NSUN6: variants seen among roughly 807,000 people sequenced by gnomAD.
NSUN6 encodes tRNA (cytosine(72)-C(5))-methyltransferase NSUN6.
A neutral mutation model predicts 58.0 loss-of-function variants in NSUN6; 64 were observed. That is an observed-to-expected ratio of 1.10 (90% CI 0.90 to 1.36). The LOEUF is 1.36. Among genes scored for constraint, NSUN6 ranks in the 40% most tolerant of loss-of-function variants. NSUN6 has a pLI of 0.00. For synonymous variants in NSUN6, 231 were observed against 193.9 expected (o/e 1.19, Z -1.59); for missense variants, 701 against 550.1 (o/e 1.27, Z -2.74).
intron 8 of NSUN6, among the ~76,000 whole-genome samples, chr10:18,563,929 C>T (rs1047752091): frequency 6.7e-6 from 1 of 148,762 alleles, no homozygotes; most frequent in Non-Finnish European, 1.5e-5. Context: ...TTCCATTCCA[C>T]GTCATTCTTC....
intron 8 of NSUN6, among the ~76,000 whole-genome samples, chr10:18,571,121 T>G: frequency 6.7e-6 from 1 of 149,070 alleles, no homozygotes; most frequent in Non-Finnish European, 1.5e-5. Flanking sequence ...ATTCCACTTT[T>G]CATTCCATTC....
chr10:18,635,309 T>C (rs1164999158), intron 3 of NSUN6, among the ~76,000 whole-genome samples: 1 of 152,184 alleles, frequency 6.6e-6, no homozygotes, highest in Non-Finnish European at 1.5e-5. Flanking sequence ...TGCTTTCATG[T>C]AATAAACCTT....
chr10:18,589,155 G>C (rs1351642367), intron 7 of NSUN6, among the ~76,000 whole-genome samples: 1 of 152,178 alleles, frequency 6.6e-6, no homozygotes, highest in Admixed American at 6.5e-5. Flanking sequence ...CGATGAAGCA[G>C]AAGAAAGGAT....
chr10:18,625,815 A>C (rs1250515961), intron 3 of NSUN6, among the ~76,000 whole-genome samples: 1 of 151,854 alleles, frequency 6.6e-6, no homozygotes, highest in East Asian at 1.9e-4. Context: ...AAGTTGAATA[A>C]CTAAGAATTC....
intron 4 of NSUN6, 133 bp from the exon 5 acceptor site, chr10:18,614,746 C>G (rs1401498329): frequency 5.1e-6 from 2 of 393,804 alleles, no homozygotes; most frequent in East Asian, 7.3e-5. Context: ...TGCTCATTAC[C>G]TCAATCTTTA....
At chr10:18,636,033 T>G (rs975076005) in intron 3 of NSUN6, among the ~76,000 whole-genome samples, 1 of 151,478 alleles carries the variant, frequency 6.6e-6, no homozygotes, top group South Asian at 2.1e-4. Flanking sequence ...CAATAACATT[T>G]GATACCACAG....
intron 3 of NSUN6, among the ~76,000 whole-genome samples, chr10:18,622,199 T>G (rs2058633033): frequency 1.3e-5 from 2 of 152,062 alleles, no homozygotes; most frequent in Non-Finnish European, 2.9e-5. Context: ...GTTATGAGGG[T>G]AGAATGCTCA....
At chr10:18,635,043 G>A (rs765647055) in intron 3 of NSUN6, among the ~76,000 whole-genome samples, 2 of 152,128 alleles carry the variant, frequency 1.3e-5, no homozygotes, top group Non-Finnish European at 1.5e-5. Context: ...ATGTTTATTC[G>A]GAACACCTGC....
chr10:18,553,151 T>C (rs1016984274), intron 8 of NSUN6, among the ~76,000 whole-genome samples: 22 of 151,660 alleles, frequency 1.5e-4, no homozygotes, highest in Non-Finnish European at 2.9e-5. Context: ...CTCCCTTCCC[T>C]TCCATTCCAT....
At chr10:18,593,099 GA>G (rs1287549060) in intron 7 of NSUN6, among the ~76,000 whole-genome samples, 2 of 152,072 alleles carry the variant, frequency 1.3e-5, no homozygotes, top group Non-Finnish European at 2.9e-5. Flanking sequence ...ATAAACATAT[GA>G]AAAAAAGCTC....
chr10:18,553,407 C>A (rs11014852), intron 8 of NSUN6, among the ~76,000 whole-genome samples: 2 of 150,282 alleles, frequency 1.3e-5, no homozygotes, highest in South Asian at 4.2e-4. Context: ...GAATGCAGAA[C>A]GGAGAATGGA....
At chr10:18,654,231 T>C (rs565886456), upstream of NSUN6, among the ~76,000 whole-genome samples, 2 of 152,202 alleles carry the variant, frequency 1.3e-5, no homozygotes, top group African/African-American at 4.8e-5. Context: ...GAGTAGCTGG[T>C]ATTACAGGTG....
At chr10:18,580,355 C>T (rs983390737) in intron 8 of NSUN6, among the ~76,000 whole-genome samples, 1 of 152,128 alleles carries the variant, frequency 6.6e-6, no homozygotes, top group African/African-American at 2.4e-5. Context: ...GTGGGTGCAG[C>T]CAAGAACACA....
chr10:18,657,262 A>G (rs1036154966), upstream of NSUN6, among the ~76,000 whole-genome samples: 1 of 152,212 alleles, frequency 6.6e-6, no homozygotes, highest in Non-Finnish European at 1.5e-5. Context: ...CTTTCCCTCC[A>G]GTTTGTAAAA....
In NSUN6 at chr10:18,553,118, T is replaced by G. The variant is rs111208083; in HGVS notation, c.923-1147A>C. On this transcript the variant is annotated intron_variant, in intron 8 of 10. Coordinates refer to ENST00000377304, the MANE Select transcript of NSUN6 (RefSeq NM_182543.5). ...GATTCCATTCTCCATTCCATTCCGT[T>G]CGATTCTCCATTCCATTCCATTCTC... Among the ~76,000 whole-genome samples, 38 of 151,382 alleles carry G rather than the reference T, an allele frequency of 2.5e-4. 1 individual carries two copies. The highest frequency in any genetic ancestry group is 8.7e-4 in the African/African-American group (36 of 41,324).
At chr10:18,638,700 G>T (rs1412583275) in intron 3 of NSUN6, among the ~76,000 whole-genome samples, 5 of 152,038 alleles carry the variant, frequency 3.3e-5, no homozygotes, top group African/African-American at 2.4e-5. Context: ...ACCAGACTCA[G>T]CCAACTTGTT....
intron 2 of NSUN6, among the ~76,000 whole-genome samples, chr10:18,642,853 T>C (rs971049838): frequency 3.9e-5 from 6 of 152,230 alleles, no homozygotes; most frequent in Non-Finnish European, 8.8e-5. Flanking sequence ...TTATTTAATA[T>C]AGAATTACAT....
intron 8 of NSUN6, among the ~76,000 whole-genome samples, chr10:18,585,225 A>G (rs943185581): frequency 9.2e-5 from 14 of 152,210 alleles, no homozygotes; most frequent in Non-Finnish European, 1.5e-5. Context: ...GTAGGAATGT[A>G]AATTAGTACA....
At chr10:18,638,450 A>G (rs930194371) in intron 3 of NSUN6, among the ~76,000 whole-genome samples, 1 of 152,174 alleles carries the variant, frequency 6.6e-6, no homozygotes, top group African/African-American at 2.4e-5. Flanking sequence ...TCAAAACAAA[A>G]CAAAACAAAC....
Sources: gnomAD v4.1 joint callset for allele counts (sites outside exome capture counted in the v4.1 genomes callset) on GRCh38, gnomAD v4.1.1 for gene constraint, MANE v1.5 for transcripts, NCBI Gene and HGNC (gene_info 2026-07-23, HGNC 2026-07-21) for gene names.